DNAH6: variants seen among roughly 807,000 people sequenced by gnomAD.
The protein encoded by DNAH6 is dynein axonemal heavy chain 6, also known as axonemal beta dynein heavy chain 6.
A neutral mutation model predicts 491.4 loss-of-function variants in DNAH6; 340 were observed. That is an observed-to-expected ratio of 0.69 (90% confidence interval 0.63 to 0.76). DNAH6 has a LOEUF of 0.76. DNAH6 is among the 30% of genes least tolerant of loss of function. The pLI is 0.00. For missense variants in DNAH6, 4,443 were observed against 4,972.2 expected, an observed-to-expected ratio of 0.89 and a Z score of 3.20; for synonymous variants, 1,603 against 1,686.1, an observed-to-expected ratio of 0.95 and a Z score of 1.21.
At position 84,553,064 on chromosome 2, in the gene DNAH6, C is replaced by G. The variant is rs367915274; in HGVS notation, c.1602+30C>G. 9.1e-6 allele frequency: 12 copies of G among 1,313,998 alleles called. No individual in the cohort carries two copies. In the African/African-American group the frequency reaches 1.3e-4, roughly 15 times the overall value. The allele number at this position is 1,313,998 out of a possible 1,614,324, so 81.4% of individuals were successfully genotyped here. A position where few individuals can be genotyped will look rare whatever the true frequency, so the allele number is the denominator to read the frequency against. On this transcript the variant is annotated intron_variant, in intron 10 of 76. Coordinates refer to ENST00000389394, the MANE Select transcript of DNAH6 (RefSeq NM_001370.2). ...GTGTTTTTCATGTATTATCCACATG[C>G]AAGCACCTATTTGGAAAATGAAGCA...
intron 35 of DNAH6, among the ~76,000 whole-genome samples, chr2:84,657,960 A>G (rs1390702320): frequency 2.6e-5 from 4 of 151,976 alleles, no homozygotes; most frequent in Non-Finnish European, 5.9e-5. Context: ...CTTCTTTTTC[A>G]TTGTTAATAA....
chr2:84,681,717 C>T (rs1318413288), intron 42 of DNAH6, among the ~76,000 whole-genome samples, 189 bp downstream of exon 42: 2 of 151,666 alleles, frequency 1.3e-5, no homozygotes, highest in Non-Finnish European at 2.9e-5. Flanking sequence ...ATTTCTCACT[C>T]CCAGCTGATT....
intron 70 of DNAH6, among the ~76,000 whole-genome samples, chr2:84,802,897 C>A (rs1395818957): frequency 1.3e-5 from 2 of 152,098 alleles, no homozygotes; most frequent in African/African-American, 4.8e-5. Flanking sequence ...GAAATCAATA[C>A]CAAAAGGAAC....
intron 7 of DNAH6, 26 bp from the exon 8 acceptor site, chr2:84,548,262 G>C (rs1245492714): frequency 1.3e-6 from 2 of 1,592,136 alleles, no homozygotes; most frequent in Non-Finnish European, 1.7e-6. Flanking sequence ...AAGTACACTT[G>C]TTGTTGTTCC....
At chr2:84,724,024 A>G (rs1698408093) in intron 60 of DNAH6, among the ~76,000 whole-genome samples, 1 of 152,020 alleles carries the variant, frequency 6.6e-6, no homozygotes, top group Non-Finnish European at 1.5e-5. Context: ...CACCCGACCA[A>G]AGCCTCCCTG....
chr2:84,607,158 ATTAT>A (rs1337735368), intron 21 of DNAH6, 63 bp downstream of exon 21: 46 of 1,426,128 alleles, frequency 3.2e-5, no homozygotes, highest in Non-Finnish European at 4.2e-5. Flanking sequence ...GACCTTAGAA[ATTAT>A]TTGTTTCATT....
At chr2:84,498,016 T>C in the DNAH6 span, among the ~76,000 whole-genome samples, 1 of 152,210 alleles carries the variant, frequency 6.6e-6, no homozygotes, top group African/African-American at 2.4e-5. Flanking sequence ...CTGGGCCATG[T>C]ACACTATGTA....
At chr2:84,655,466 C>A (rs1690869789) in intron 35 of DNAH6, among the ~76,000 whole-genome samples, 1 of 152,116 alleles carries the variant, frequency 6.6e-6, no homozygotes, top group African/African-American at 2.4e-5. Context: ...TCATCCCCTA[C>A]TCCAAGTAAG....
intron 11 of DNAH6, among the ~76,000 whole-genome samples, chr2:84,559,588 C>G (rs1680437584): frequency 6.6e-6 from 1 of 152,112 alleles, no homozygotes; most frequent in Non-Finnish European, 1.5e-5. Flanking sequence ...AACTCTTTTC[C>G]TGTTACCATA....
intron 44 of DNAH6, 136 bp from the exon 45 acceptor site, chr2:84,688,303 G>T: frequency 1.7e-6 from 1 of 584,352 alleles, no homozygotes; most frequent in Non-Finnish European, 2.7e-6. Flanking sequence ...CCCTATTTCT[G>T]AGCTCCTATG....
At chr2:84,556,359 G>A (rs1680022075) in intron 10 of DNAH6, among the ~76,000 whole-genome samples, 1 of 152,134 alleles carries the variant, frequency 6.6e-6, no homozygotes, top group South Asian at 2.1e-4. Context: ...TGCATCTGCA[G>A]AGTATCCTAT....
chr2:84,748,018 G>T (rs1553485264), intron 63 of DNAH6, among the ~76,000 whole-genome samples: 1 of 152,150 alleles, frequency 6.6e-6, no homozygotes, highest in South Asian at 2.1e-4. Flanking sequence ...GACGCCCAAG[G>T]CTTGTCTACT....
At chr2:84,741,306 C>T (rs1672508288) in intron 62 of DNAH6, among the ~76,000 whole-genome samples, 1 of 152,056 alleles carries the variant, frequency 6.6e-6, no homozygotes, top group Non-Finnish European at 1.5e-5. Flanking sequence ...CGGATCACTG[C>T]CCAGGCAGGC....
chr2:84,718,119 A>G (rs1231564924), intron 58 of DNAH6, 85 bp from the exon 59 acceptor site: 2 of 1,148,098 alleles, frequency 1.7e-6, no homozygotes, highest in Non-Finnish European at 1.2e-6. Context: ...CAGAATAAGA[A>G]CGATTACAAA....
At chr2:84,690,870 A>G (rs1694783163) in intron 45 of DNAH6, among the ~76,000 whole-genome samples, 1 of 152,236 alleles carries the variant, frequency 6.6e-6, no homozygotes, top group African/African-American at 2.4e-5. Context: ...CACACACTAC[A>G]TTTCCATTTG....
At chr2:84,689,689 C>T (rs892398196) in intron 45 of DNAH6, among the ~76,000 whole-genome samples, 3 of 152,194 alleles carry the variant, frequency 2.0e-5, no homozygotes, top group Non-Finnish European at 2.9e-5. Context: ...AAGAAGAGGA[C>T]GGAGACCCTA....
intron 4 of DNAH6, among the ~76,000 whole-genome samples, chr2:84,532,016 C>T (rs1017748862): frequency 2.0e-5 from 3 of 151,984 alleles, no homozygotes; most frequent in Admixed American, 6.6e-5. Flanking sequence ...GTTTTCTCTT[C>T]AGGAAAAAAA....
chr2:84,769,791 G>A (rs1475040272), intron 64 of DNAH6, among the ~76,000 whole-genome samples: 1 of 152,190 alleles, frequency 6.6e-6, no homozygotes, highest in African/African-American at 2.4e-5. Flanking sequence ...GCAACTAGCA[G>A]ACAAAGCAGA....
rs1310176857 is a variant in DNAH6, at chr2:84,606,987, T to C, written c.3186T>C (p.Asp1062=). The C allele has an allele frequency of 2.4e-5, 37 of 1,551,084 alleles. No individual in the cohort carries two copies. The highest frequency in any genetic ancestry group is 3.1e-5 in the Non-Finnish European group (36 of 1,146,618). Residue 1062 remains aspartate, a synonymous_variant, in exon 21 of 77, where the codon GAT becomes GAC. Coordinates refer to ENST00000389394, the MANE Select transcript of DNAH6 (RefSeq NM_001370.2). ...CCCTTCCTTTAAAGGTCCTTCTTGA[T>C]GATAGCACCATCAATGTTGCAACTC... The part of the protein sequence containing the change: ...GGTDDIQVLL[D]DSTINVATLA...
Sources: gnomAD v4.1 joint callset for allele counts (sites outside exome capture counted in the v4.1 genomes callset) on GRCh38, gnomAD v4.1.1 for gene constraint, MANE v1.5 for transcripts, NCBI Gene and HGNC (gene_info 2026-07-23, HGNC 2026-07-21) for gene names.